Variants in PKD2 observed in about 807,000 individuals in gnomAD.
PKD2 encodes polycystin-2.
A neutral mutation model predicts 105.9 loss-of-function variants in PKD2; 48 were observed. That is an observed-to-expected ratio of 0.45 (90% CI 0.36 to 0.58). PKD2 has a LOEUF of 0.58. Ranked by LOEUF, PKD2 falls within the 20% of genes least tolerant of loss-of-function variation. The probability of loss-of-function intolerance (pLI) is 0.00; values close to 1 mark genes in which losing one functional copy is unlikely to be tolerated. For synonymous variants in PKD2, 464 were observed against 481.1 expected (o/e 0.96, Z 0.46); for missense variants, 1,078 against 1,255.3 (o/e 0.86, Z 2.13).
At position 88,054,114 on chromosome 4, in the gene PKD2, TAATC is replaced by T. The variant is rs368232013; in HGVS notation, c.1716+1959_1716+1962del. On this transcript the variant is annotated intron_variant, in intron 7 of 14. Transcript: ENST00000237596. ...GTAATAATAATCAAGATAGTAATAA[TAATC>T]AAGATCTCAGCTGGGCACAGTGGCT... Among the ~76,000 whole-genome samples, 45 of 151,922 alleles carry T rather than the reference TAATC, an allele frequency of 3.0e-4. No homozygotes were observed. In the South Asian group the frequency reaches 9.2e-3, roughly 31 times the overall value.
chr4:88,013,292 A>G (rs903602716), intron 1 of PKD2, among the ~76,000 whole-genome samples: 1 of 152,222 alleles, frequency 6.6e-6, no homozygotes, highest in Admixed American at 6.5e-5. Context: ...TGTGATAGGT[A>G]CTAGGGATGC....
chr4:88,029,378 T>G lies in PKD2; in HGVS notation c.710-6842T>G, dbSNP rs149637167. 5.0e-3 allele frequency among the ~76,000 whole-genome samples: 760 copies of G among 152,340 alleles called. 9 individuals carry two copies. The highest frequency in any genetic ancestry group is 0.017 in the African/African-American group (721 of 41,592). On this transcript the variant is annotated intron_variant, in intron 2 of 14. Coordinates refer to ENST00000237596, the MANE Select transcript of PKD2 (RefSeq NM_000297.4). ...GTGACTCCACGTCCCACTCATGAGCTCTGAACCTAGTACCAGCTTCTGCTG... is the reference window on the plus strand; with the variant it reads ...GTGACTCCACGTCCCACTCATGAGCGCTGAACCTAGTACCAGCTTCTGCTG...
chr4:88,052,204 T>TA (rs749927657), intron 7 of PKD2, 46 bp downstream of exon 7: 54 of 1,238,468 alleles, frequency 4.4e-5, no homozygotes, highest in African/African-American at 9.1e-5. Context: ...ATATTTTCTT[T>TA]AAAAAAAATG....
Position 88,046,886 on chromosome 4 carries a change from A to T in PKD2, c.1548+16A>T, listed in dbSNP as rs899740654. 7 of 1,405,676 alleles carry T rather than the reference A, an allele frequency of 5.0e-6. No individual in the cohort carries two copies. Among genetic ancestry groups the T allele is most frequent in the Non-Finnish European group, 7.1e-6 (7 of 990,022 alleles). 87.1% of individuals were successfully genotyped at this position (1,405,676 alleles called of 1,614,324 possible). A position where few individuals can be genotyped will look rare whatever the true frequency, so the allele number is the denominator to read the frequency against. ...GATCGTTGTGGTAGGTTTGAGAACAACACCAAATTTCCTATTCTATTCTAC... is the reference window on the plus strand; with the variant it reads ...GATCGTTGTGGTAGGTTTGAGAACATCACCAAATTTCCTATTCTATTCTAC... On this transcript the variant is annotated intron_variant, in intron 6 of 14. Coordinates refer to ENST00000237596, the MANE Select transcript of PKD2 (RefSeq NM_000297.4).
rs1187336837 is a variant in PKD2 at position 88,007,930 on chromosome 4, A to AC, written c.203dup (p.Ala69GlyfsTer23). On this transcript the variant is annotated frameshift_variant, in exon 1 of 15. Transcript: ENST00000237596. LOFTEE classifies it high-confidence loss of function. ...CGCATCCGGCAGGCGGCCGCGCGGG[A>AC]CCCCCCGGCCGGAGCCGCGGCCTCC... is the stretch of plus-strand genomic sequence containing the variant. The AC allele has an allele frequency of 2.1e-6, 3 of 1,446,166 alleles. No individual in the cohort carries two copies. The Admixed American group carries it at 6.8e-5, about 33-fold the overall frequency. 89.6% of individuals were successfully genotyped at this position (1,446,166 alleles called of 1,614,324 possible).
At chr4:88,018,298 ATATTAT>A (rs1271181359) in intron 1 of PKD2, among the ~76,000 whole-genome samples, 2 of 152,240 alleles carry the variant, frequency 1.3e-5, no homozygotes, top group Admixed American at 1.3e-4. Context: ...TAGAACTTAC[ATATTAT>A]TATAAGACTT....
At chr4:88,027,828 T>G (rs1578123763) in intron 2 of PKD2, among the ~76,000 whole-genome samples, 1 of 152,126 alleles carries the variant, frequency 6.6e-6, no homozygotes, top group Non-Finnish European at 1.5e-5. Flanking sequence ...GGTAAGTGTC[T>G]GGGCTTCCCC....
At chr4:88,070,633 G>GAGAGAGAGAGAGAGAA (rs1720997902) in intron 13 of PKD2, among the ~76,000 whole-genome samples, 1 of 147,028 alleles carries the variant, frequency 6.8e-6, no homozygotes, top group African/African-American at 2.5e-5. Context: ...GAGAGAAAGA[G>GAGAGAGAGAGAGAGAA]AGAGAGAGAG....
intron 8 of PKD2, 85 bp from the exon 9 acceptor site, chr4:88,057,898 T>C: frequency 9.1e-7 from 1 of 1,101,854 alleles, no homozygotes; most frequent in Non-Finnish European, 1.4e-6. Context: ...GGTCCAAAAA[T>C]AATGAAATCA....
chr4:88,061,309 A>C (rs2728132), intron 9 of PKD2, among the ~76,000 whole-genome samples: 47,232 of 152,124 alleles, frequency 0.31, 11,183 homozygotes, highest in African/African-American at 0.65. Context: ...TCGCACCATT[A>C]GTAGGTAAAT....
chr4:88,018,220 G>A (rs1726624961), intron 1 of PKD2, among the ~76,000 whole-genome samples: 1 of 152,078 alleles, frequency 6.6e-6, no homozygotes, highest in Non-Finnish European at 1.5e-5. Context: ...TTTGAATTCA[G>A]TGCTGATTTT....
chr4:88,046,557 A>G, intron 5 of PKD2, 85 bp from the exon 6 acceptor site: 6 of 848,670 alleles, frequency 7.1e-6, no homozygotes, highest in Non-Finnish European at 1.0e-5. Context: ...CTTGTAATGC[A>G]TGAACAGAAC....
chr4:88,070,835 A>G (rs1288708258), intron 13 of PKD2, among the ~76,000 whole-genome samples: 1 of 151,738 alleles, frequency 6.6e-6, no homozygotes, highest in South Asian at 2.1e-4. Flanking sequence ...GCATCTTGTT[A>G]TGTTGCCCAG....
chr4:88,056,218 C>T lies in PKD2; in HGVS notation c.1849C>T (p.Leu617Phe). Residue 617 changes from leucine (L) to phenylalanine (F), a missense_variant, in exon 8 of 15, where the codon CTT (leucine) becomes TTT (phenylalanine). Leu to Phe is a conservative substitution (Grantham distance 22). This residue lies in a region of PKD2 where 868 missense variants were observed against 1,067.3 expected (regional missense o/e 0.81). Transcript: ENST00000237596. ...CCTAGCGTATGCTCAGTTGGCATAC[C>T]TTGTCTTTGGCACTCAGGTCGATGA... is the stretch of plus-strand genomic sequence containing the variant. ...IFLAYAQLAYLVFGTQVDDFS... is the reference protein window; with the variant it reads ...IFLAYAQLAYFVFGTQVDDFS... The T allele has an allele frequency of 6.2e-7, 1 of 1,613,130 alleles. No individual in the cohort carries two copies. The highest frequency in any genetic ancestry group is 8.5e-7 in the Non-Finnish European group (1 of 1,179,212).
At chr4:88,061,286 TTAAA>T (rs1720561734) in intron 9 of PKD2, among the ~76,000 whole-genome samples, 1 of 152,198 alleles carries the variant, frequency 6.6e-6, no homozygotes, top group Admixed American at 6.5e-5. Flanking sequence ...AAAAATAATA[TTAAA>T]TAAAATAATC....
intron 2 of PKD2, among the ~76,000 whole-genome samples, chr4:88,032,391 C>T (rs576947695): frequency 6.6e-6 from 1 of 152,194 alleles, no homozygotes; most frequent in African/African-American, 2.4e-5. Flanking sequence ...CGGCCAGGCA[C>T]GATGGCTCAC....
Position 88,074,950 on chromosome 4 carries a change from G to T in PKD2, c.2661G>T (p.Gly887=), listed in dbSNP as rs1357696307. The T allele has an allele frequency of 2.5e-6, 4 of 1,614,156 alleles. No individual in the cohort carries two copies. The highest frequency in any genetic ancestry group is 1.3e-5 in the African/African-American group (1 of 75,062). ...RREVLGRLLD[G]VAEDERLGRD... ...AGGTGCTGGGAAGGCTGTTGGATGG[G>T]GTGGCCGAGGTCAGTAGTCATGAGC... Residue 887 remains glycine (G), a synonymous_variant, in exon 14 of 15, where the codon GGG becomes GGT. Coordinates refer to ENST00000237596, the MANE Select transcript of PKD2 (RefSeq NM_000297.4).
chr4:88,046,947 T>C (rs1727798078), intron 6 of PKD2, 77 bp downstream of exon 6: 1 of 856,700 alleles, frequency 1.2e-6, no homozygotes, highest in African/African-American at 1.6e-5. Context: ...CTCCTCAGCA[T>C]TGTGGATCTT....
intron 2 of PKD2, among the ~76,000 whole-genome samples, chr4:88,028,359 T>C (rs1176877012): frequency 6.6e-6 from 1 of 152,222 alleles, no homozygotes; most frequent in Non-Finnish European, 1.5e-5. Context: ...GCTAATTCCA[T>C]TTCCAGTGAA....
Sources: allele counts gnomAD v4.1 joint callset (sites outside exome capture counted in the v4.1 genomes callset), GRCh38; gene constraint gnomAD v4.1.1; regional missense constraint gnomAD v4.1.1; transcripts MANE v1.5; gene names NCBI Gene and HGNC (gene_info 2026-07-23, HGNC 2026-07-21).